Variants in CCDC178 observed in about 807,000 individuals in gnomAD.
CCDC178 encodes the protein coiled-coil domain-containing protein 178.
CCDC178 carries 126 observed loss-of-function variants against 117.4 expected under a neutral mutation model. The ratio of observed to expected loss-of-function variants is 1.07; its 90% CI spans 0.93 to 1.24. The LOEUF is 1.24. Ranked by LOEUF, CCDC178 falls within the 50% of genes most tolerant of loss-of-function variation. CCDC178 has a pLI of 0.00. For missense variants in CCDC178, 1,030 were observed against 986.9 expected (o/e 1.04, Z -0.59); for synonymous variants, 283 against 313.4 (o/e 0.90, Z 1.02).
chr18:33,171,984 T>G (rs1298150450), intron 20 of CCDC178, among the ~76,000 whole-genome samples: 2 of 152,098 alleles, frequency 1.3e-5, no homozygotes, highest in African/African-American at 2.4e-5. Context: ...GAACTCGGCT[T>G]ACTGCAACCT....
chr18:33,026,671 A>G (rs1388384843), intron 21 of CCDC178, among the ~76,000 whole-genome samples: 2 of 151,942 alleles, frequency 1.3e-5, no homozygotes, highest in African/African-American at 4.8e-5. Flanking sequence ...GATAACAGAA[A>G]TGATAGGAAA....
rs16964326 is a variant in CCDC178 at position 33,174,742 on chromosome 18, C to T, written c.2238+37154G>A. Among the ~76,000 whole-genome samples the T allele has an allele frequency of 7.9e-3, 1,201 of 152,090 alleles. 13 individuals carry two copies. The highest frequency in any genetic ancestry group is 0.027 in the African/African-American group (1,119 of 41,478). On this transcript the variant is annotated intron_variant, in intron 20 of 22. Coordinates refer to ENST00000383096, the MANE Select transcript of CCDC178 (RefSeq NM_001105528.4). ...AACAAATACTTTCTTTAAAAAAATC[C>T]TATCTTCTTCATTTTCCTATCTTTA...
intron 16 of CCDC178, among the ~76,000 whole-genome samples, chr18:33,225,543 T>A (rs2059292955): frequency 6.6e-6 from 1 of 152,088 alleles, no homozygotes. Flanking sequence ...ATCAAACATT[T>A]AAAAAAATAT....
chr18:33,196,607 A>G (rs773305119), intron 20 of CCDC178, among the ~76,000 whole-genome samples: 5 of 152,200 alleles, frequency 3.3e-5, no homozygotes, highest in Admixed American at 6.5e-5. Context: ...CTGGCTGTGC[A>G]GTTTTTTTAA....
rs1233334127 is a variant in CCDC178, at chr18:33,382,318, T to C, written c.208+7222A>G. On this transcript the variant is annotated intron_variant, in intron 5 of 22. Transcript: ENST00000383096. ...TGAGTGTTAGAAACACTTTCAGAGA[T>C]AATGTTTATAGATTCTCACTGTACA... Among the ~76,000 whole-genome samples the C allele has an allele frequency of 2.0e-5, 3 of 152,178 alleles. No individual in the cohort carries two copies. The East Asian group carries it at 5.8e-4, about 29-fold the overall frequency.
rs567135148 is a variant in CCDC178, at chr18:32,947,058, ATCTG to A, written c.2524-8971_2524-8968del. Among the ~76,000 whole-genome samples, 12 of 152,140 alleles carry A rather than the reference ATCTG, an allele frequency of 7.9e-5. No homozygotes were observed. In the South Asian group the frequency reaches 2.5e-3, roughly 32 times the overall value. On this transcript the variant is annotated intron_variant, in intron 22 of 22. Transcript: ENST00000383096. ...GCCTCCTAAAGAGTGTCTTTCTTTT[ATCTG>A]TCTATTATAATGTCTCAGGTTGGGG...
At chr18:33,066,940 AATC>A (rs1256762626) in intron 21 of CCDC178, among the ~76,000 whole-genome samples, 1 of 152,204 alleles carries the variant, frequency 6.6e-6, no homozygotes, top group East Asian at 1.9e-4. Flanking sequence ...ATATTGGAAA[AATC>A]ATCGAGACAA....
At chr18:32,945,737 A>G (rs1164762786) in intron 22 of CCDC178, among the ~76,000 whole-genome samples, 1 of 152,128 alleles carries the variant, frequency 6.6e-6, no homozygotes, top group Non-Finnish European at 1.5e-5. Context: ...TTTTTGGAGC[A>G]GATCTCGTAT....
intron 20 of CCDC178, among the ~76,000 whole-genome samples, chr18:33,197,652 G>A (rs923441413): frequency 6.6e-6 from 1 of 150,742 alleles, no homozygotes; most frequent in Non-Finnish European, 1.5e-5. Flanking sequence ...ACTTATGCTC[G>A]AACCCTGAAA....
At chr18:33,261,079 T>TTG (rs1555673168) in intron 14 of CCDC178, among the ~76,000 whole-genome samples, 1 of 62,214 alleles carries the variant, frequency 1.6e-5, no homozygotes, top group Non-Finnish European at 3.8e-5. Flanking sequence ...GGTTTTTTTT[T>TTG]TCTGTTTGTT....
At chr18:33,405,320 T>G (rs1015674714) in intron 3 of CCDC178, among the ~76,000 whole-genome samples, 1 of 151,632 alleles carries the variant, frequency 6.6e-6, no homozygotes, top group African/African-American at 2.4e-5. Flanking sequence ...TCTATATCCA[T>G]TAAAAGATAA....
intron 21 of CCDC178, among the ~76,000 whole-genome samples, chr18:33,001,628 C>G (rs1022764125): frequency 6.6e-6 from 1 of 151,844 alleles, no homozygotes; most frequent in Non-Finnish European, 1.5e-5. Context: ...GAGAAGACCA[C>G]AAAACAACTA....
intron 21 of CCDC178, among the ~76,000 whole-genome samples, chr18:33,070,453 G>T (rs2057088711): frequency 1.3e-5 from 2 of 152,026 alleles, no homozygotes; most frequent in African/African-American, 4.8e-5. Flanking sequence ...ACTCATATGT[G>T]GGAGCTAAAG....
At chr18:33,433,581 A>G (rs2064248905) in intron 2 of CCDC178, among the ~76,000 whole-genome samples, 1 of 152,170 alleles carries the variant, frequency 6.6e-6, no homozygotes, top group Non-Finnish European at 1.5e-5. Flanking sequence ...ATAGGGAAGG[A>G]AAATATCAGA....
At chr18:33,421,579 A>T (rs1419403698) in intron 2 of CCDC178, among the ~76,000 whole-genome samples, 1 of 152,224 alleles carries the variant, frequency 6.6e-6, no homozygotes, top group African/African-American at 2.4e-5. Context: ...CTTGAGAGCT[A>T]GTTGTTAAAC....
intron 5 of CCDC178, among the ~76,000 whole-genome samples, chr18:33,371,012 A>C (rs1175683525): frequency 6.6e-6 from 1 of 152,006 alleles, no homozygotes; most frequent in Admixed American, 6.6e-5. Context: ...TCAGCGCCTC[A>C]ATGAGAACAG....
intron 21 of CCDC178, among the ~76,000 whole-genome samples, chr18:33,013,813 C>T (rs1241479643): frequency 2.6e-5 from 4 of 152,152 alleles, no homozygotes; most frequent in Admixed American, 2.6e-4. Flanking sequence ...AATGTTATAA[C>T]CACTCCTATT....
chr18:33,168,034 G>A (rs1437392731), intron 20 of CCDC178, among the ~76,000 whole-genome samples: 1 of 152,050 alleles, frequency 6.6e-6, no homozygotes, highest in Non-Finnish European at 1.5e-5. Flanking sequence ...AATCCTATAG[G>A]TTGTCTGTTT....
intron 14 of CCDC178, among the ~76,000 whole-genome samples, chr18:33,254,105 A>C (rs1159181985): frequency 1.3e-5 from 2 of 151,938 alleles, no homozygotes; most frequent in African/African-American, 4.8e-5. Flanking sequence ...TTTGGAACAG[A>C]AAGAGACACA....
Sources: allele counts gnomAD v4.1 joint callset (sites outside exome capture counted in the v4.1 genomes callset), GRCh38; gene constraint gnomAD v4.1.1; transcripts MANE v1.5; gene names NCBI Gene and HGNC (gene_info 2026-07-23, HGNC 2026-07-21).